PSD3: variants seen among roughly 807,000 people sequenced by gnomAD.
The protein encoded by PSD3 is pleckstrin and Sec7 domain containing 3.
PSD3 carries 49 observed loss-of-function variants against 105.5 expected under a neutral mutation model. The ratio of observed to expected loss-of-function variants is 0.46; its 90% CI spans 0.37 to 0.59. The LOEUF (loss-of-function observed/expected upper bound fraction) is 0.59, where lower values mean the gene tolerates loss of function less well. Ranked by LOEUF, PSD3 falls within the 20% of genes least tolerant of loss-of-function variation. The probability of loss-of-function intolerance (pLI) is 0.00; values close to 1 mark genes in which losing one functional copy is unlikely to be tolerated. For missense variants in PSD3, 1,561 were observed against 1,263.8 expected, an observed-to-expected ratio of 1.24 and a Z score of -3.57; for synonymous variants, 557 against 457.8, an observed-to-expected ratio of 1.22 and a Z score of -2.77.
intron 1 of PSD3, among the ~76,000 whole-genome samples, chr8:19,037,484 T>C (rs1276364830): frequency 1.3e-5 from 2 of 152,210 alleles, no homozygotes; most frequent in African/African-American, 4.8e-5. Flanking sequence ...GACTAAGGGA[T>C]GCCACAAAGC....
At chr8:19,013,052 T>G (rs1160300024) in intron 1 of PSD3, among the ~76,000 whole-genome samples, 2 of 152,150 alleles carry the variant, frequency 1.3e-5, no homozygotes, top group African/African-American at 4.8e-5. Flanking sequence ...AACGGAAAGC[T>G]GAAAACGGCG....
At position 18,867,706 on chromosome 8, in the gene PSD3, C is replaced by G; in HGVS notation, c.1602G>C (p.Thr534=). The G allele has an allele frequency of 6.2e-7, 1 of 1,613,436 alleles. No individual in the cohort carries two copies. Among genetic ancestry groups the G allele is most frequent in the Non-Finnish European group, 8.5e-7 (1 of 1,179,566 alleles). ...AGAAAGCAATCTCCGGGGTGCCTTT[C>G]GTGTAGATGGAGTCGCTGGCATCAT... is the stretch of plus-strand genomic sequence containing the variant. ...GLNDASDSIY[T]KGTPEIAFWG... Residue 534 remains threonine, a synonymous_variant, in exon 4 of 16, where the codon ACG becomes ACC. Transcript: ENST00000327040.
intron 1 of PSD3, among the ~76,000 whole-genome samples, chr8:18,996,862 G>A (rs1826103976): frequency 6.6e-6 from 1 of 151,854 alleles, no homozygotes; most frequent in African/African-American, 2.4e-5. Context: ...ATCAACCTCA[G>A]CAATGACATC....
intron 4 of PSD3, among the ~76,000 whole-genome samples, chr8:18,815,917 G>A (rs1028038037): frequency 1.3e-5 from 2 of 152,086 alleles, no homozygotes; most frequent in Non-Finnish European, 2.9e-5. Flanking sequence ...AGGTTTCTTG[G>A]ATTCACTTAA....
At chr8:18,809,906 C>G (rs1438592274) in intron 4 of PSD3, among the ~76,000 whole-genome samples, 1 of 152,124 alleles carries the variant, frequency 6.6e-6, no homozygotes, top group Non-Finnish European at 1.5e-5. Context: ...GTGTTTTCAT[C>G]CTTCTCTCTT....
chr8:18,962,451 A>G (rs1224451352), intron 1 of PSD3, among the ~76,000 whole-genome samples: 1 of 152,078 alleles, frequency 6.6e-6, no homozygotes, highest in African/African-American at 2.4e-5. Flanking sequence ...ATATGACAAC[A>G]CACACACACA....
intron 2 of PSD3, among the ~76,000 whole-genome samples, chr8:18,889,983 A>C (rs1433424445): frequency 6.6e-6 from 1 of 152,226 alleles, no homozygotes; most frequent in East Asian, 1.9e-4. Context: ...AAAATTTCAA[A>C]TAAAGTAATA....
rs533087692 is a variant in PSD3, at chr8:19,035,528, A to T, written c.324+48678T>A. On this transcript the variant is annotated intron_variant, in intron 1 of 1. Transcript: ENST00000521475. Reference sequence around the variant, plus strand: ...AAAGGATTTGTTAAAAAAAAACAACAAAATTGTCTAGTCTCCCTTTTATGT... The same window carrying T: ...AAAGGATTTGTTAAAAAAAAACAACTAAATTGTCTAGTCTCCCTTTTATGT... 1.3e-5 allele frequency among the ~76,000 whole-genome samples: 2 copies of T among 152,140 alleles called. 1 individual carries two copies. The highest frequency in any genetic ancestry group is 3.9e-4 in the East Asian group (2 of 5,184).
intron 1 of PSD3, among the ~76,000 whole-genome samples, chr8:19,042,486 T>G (rs1479100001): frequency 6.6e-6 from 1 of 152,234 alleles, no homozygotes; most frequent in Admixed American, 6.5e-5. Context: ...GTGATTGAAA[T>G]ATCAAAAAAC....
intron 4 of PSD3, among the ~76,000 whole-genome samples, chr8:18,810,336 T>A (rs1811588893): frequency 6.6e-6 from 1 of 152,222 alleles, no homozygotes; most frequent in South Asian, 2.1e-4. Context: ...TTCCATGCTA[T>A]GCTATCAATA....
intron 12 of PSD3, among the ~76,000 whole-genome samples, chr8:18,599,868 T>C (rs1000015489): frequency 2.6e-5 from 4 of 152,168 alleles, no homozygotes; most frequent in African/African-American, 7.2e-5. Context: ...TGTTTTCTCC[T>C]ATACATACAT....
intron 9 of PSD3, among the ~76,000 whole-genome samples, chr8:18,746,154 ATTGG>A (rs1805001654): frequency 6.6e-6 from 1 of 151,992 alleles, no homozygotes; most frequent in Non-Finnish European, 1.5e-5. Context: ...CCCTTTCCTA[ATTGG>A]TTTCCTACCC....
intron 2 of PSD3, among the ~76,000 whole-genome samples, chr8:18,896,329 T>C (rs918615888): frequency 6.6e-6 from 1 of 152,266 alleles, no homozygotes; most frequent in Non-Finnish European, 1.5e-5. Flanking sequence ...TCTGGATATA[T>C]ACCAAGTGGT....
At chr8:18,878,796 A>G (rs1344048014) in intron 2 of PSD3, among the ~76,000 whole-genome samples, 1 of 152,192 alleles carries the variant, frequency 6.6e-6, no homozygotes, top group Non-Finnish European at 1.5e-5. Flanking sequence ...GTAAATATAC[A>G]AAACAAATAA....
intron 1 of PSD3, among the ~76,000 whole-genome samples, chr8:19,053,568 G>A (rs78634211): frequency 0.032 from 4,935 of 152,116 alleles, 276 homozygotes; most frequent in African/African-American, 0.11. Context: ...GGAGGCCAAG[G>A]CAGCCGGATC....
intron 14 of PSD3, among the ~76,000 whole-genome samples, chr8:18,561,526 AT>A (rs922207180): frequency 3.3e-5 from 5 of 152,126 alleles, no homozygotes; most frequent in Non-Finnish European, 7.4e-5. Flanking sequence ...AGAGGAATAA[AT>A]TCTGTTGTGT....
At chr8:18,775,082 C>T (rs1003445121) in intron 8 of PSD3, 2 of 403,248 alleles carry the variant, frequency 5.0e-6, no homozygotes, top group Non-Finnish European at 1.0e-5. Flanking sequence ...CTTTTTAAGC[C>T]CCCCCAAGTT....
intron 14 of PSD3, among the ~76,000 whole-genome samples, chr8:18,559,468 G>T (rs534156926): frequency 6.6e-6 from 1 of 152,060 alleles, no homozygotes; most frequent in East Asian, 1.9e-4. Context: ...AAATAGATTT[G>T]TATCAGTATA....
rs930617245 is a variant in PSD3, at chr8:18,839,855, C to G, written c.1634+27819G>C. Among the ~76,000 whole-genome samples the G allele has an allele frequency of 3.3e-5, 5 of 152,204 alleles. No homozygotes were observed. The East Asian group carries it at 9.6e-4, about 29-fold the overall frequency. On this transcript the variant is annotated intron_variant, in intron 4 of 15. Transcript: ENST00000327040. ...CACTGTGTCTTCCCTGCCTCCCACACAGTCGATGGCAGTGGACTGACAAAT... is the reference window on the plus strand; with the variant it reads ...CACTGTGTCTTCCCTGCCTCCCACAGAGTCGATGGCAGTGGACTGACAAAT...
Sources: allele counts gnomAD v4.1 joint callset (sites outside exome capture counted in the v4.1 genomes callset), GRCh38; gene constraint gnomAD v4.1.1; transcripts MANE v1.5; gene names NCBI Gene and HGNC (gene_info 2026-07-23, HGNC 2026-07-21).